CTNNA3: variants seen among roughly 807,000 people sequenced by gnomAD.
The protein encoded by CTNNA3 is catenin alpha 3, also known as catenin alpha-3.
Under a neutral mutation model 95.7 loss-of-function variants are expected in CTNNA3, and 76 were observed. That is an observed-to-expected ratio of 0.79 (90% CI 0.66 to 0.96). The LOEUF is 0.96. Ranked by LOEUF, CTNNA3 falls within the 40% of genes least tolerant of loss-of-function variation. The pLI, the probability that CTNNA3 is intolerant of heterozygous loss-of-function variation, is 0.00. For missense variants in CTNNA3, 1,191 were observed against 1,089.8 expected (o/e 1.09, Z -1.31); for synonymous variants, 431 against 374.4 (o/e 1.15, Z -1.74).
chr10:66,207,903 G>T (rs563886098), intron 13 of CTNNA3, among the ~76,000 whole-genome samples: 1 of 151,948 alleles, frequency 6.6e-6, no homozygotes, highest in Admixed American at 6.6e-5. Context: ...AAAAAATATT[G>T]TGCTGTAGTC....
intron 5 of CTNNA3, among the ~76,000 whole-genome samples, chr10:67,433,768 C>T (rs563391445): frequency 6.3e-4 from 95 of 151,958 alleles, no homozygotes; most frequent in Non-Finnish European, 1.1e-3. Context: ...AGTTCCTGTC[C>T]GTGCCATCAT....
upstream of CTNNA3, among the ~76,000 whole-genome samples, chr10:67,699,758 C>A (rs919806024): frequency 2.0e-5 from 3 of 152,202 alleles, no homozygotes; most frequent in East Asian, 3.8e-4. Context: ...CTAGGGAGTG[C>A]CAGACAGTGG....
intron 7 of CTNNA3, among the ~76,000 whole-genome samples, chr10:67,043,159 A>C (rs1854514254): frequency 6.8e-6 from 1 of 146,264 alleles, no homozygotes. Context: ...TTTTCTGTGC[A>C]ATAAGATCTG....
At chr10:67,748,063 T>C (rs1057414616) in intron 1 of CTNNA3, among the ~76,000 whole-genome samples, 2 of 151,952 alleles carry the variant, frequency 1.3e-5, no homozygotes, top group African/African-American at 4.8e-5. Flanking sequence ...GAAAAGAGAA[T>C]GAAAAGGAAC....
At chr10:66,464,908 T>C (rs1838843393) in intron 11 of CTNNA3, among the ~76,000 whole-genome samples, 1 of 152,142 alleles carries the variant, frequency 6.6e-6, no homozygotes, top group Non-Finnish European at 1.5e-5. Flanking sequence ...ATCTCAACTT[T>C]TAAACATAAG....
At chr10:66,843,475 C>CA (rs1843140541) in intron 7 of CTNNA3, among the ~76,000 whole-genome samples, 1 of 152,250 alleles carries the variant, frequency 6.6e-6, no homozygotes, top group Admixed American at 6.5e-5. Flanking sequence ...AATCATCACT[C>CA]AAACAGATGA....
chr10:66,835,058 G>A (rs76864031), intron 7 of CTNNA3, among the ~76,000 whole-genome samples: 5,458 of 152,188 alleles, frequency 0.036, 337 homozygotes, highest in African/African-American at 0.13. Context: ...AAAGTACTAA[G>A]CCTGTAAAAA....
Position 65,920,450 on chromosome 10 carries a change from T to C in CTNNA3, c.2568A>G (p.Lys856=). Residue 856 remains lysine (K), a synonymous_variant, in exon 18 of 18, where the codon AAA becomes AAG. Transcript: ENST00000433211. ...CTGGCTTCTCTCTTTTAATCAAGGG[T>C]TTTTTTGCAGGAGCCTTCATTCTCC... The part of the protein sequence containing the change: ...VMWRMKAPAK[K]PLIKREKPEE... The C allele has an allele frequency of 6.2e-7, 1 of 1,613,932 alleles. No homozygotes were observed.
chr10:66,728,886 C>G (rs1451356449), intron 9 of CTNNA3, among the ~76,000 whole-genome samples: 4 of 152,118 alleles, frequency 2.6e-5, no homozygotes, highest in African/African-American at 9.7e-5. Context: ...TGGCATCCAG[C>G]CTTATTTAAG....
At chr10:66,560,291 T>C (rs1842513288) in intron 10 of CTNNA3, among the ~76,000 whole-genome samples, 1 of 151,210 alleles carries the variant, frequency 6.6e-6, no homozygotes, top group African/African-American at 2.5e-5. Flanking sequence ...TTATAACTTT[T>C]TGAGTCTTGG....
chr10:67,639,837 C>T (rs575271851), intron 2 of CTNNA3, among the ~76,000 whole-genome samples: 4 of 151,934 alleles, frequency 2.6e-5, no homozygotes, highest in East Asian at 1.9e-4. Context: ...CAATAAATTA[C>T]GTATTGATGG....
chr10:67,754,214 A>T (rs1841421866), intron 1 of CTNNA3, among the ~76,000 whole-genome samples: 1 of 152,178 alleles, frequency 6.6e-6, no homozygotes, highest in South Asian at 2.1e-4. Flanking sequence ...TCACACAGGA[A>T]CAGAAAACCA....
chr10:66,938,465 A>G (rs1847834598), intron 7 of CTNNA3, among the ~76,000 whole-genome samples: 1 of 152,220 alleles, frequency 6.6e-6, no homozygotes, highest in South Asian at 2.1e-4. Context: ...TAAGAAAATC[A>G]TAAGGAAAAG....
At chr10:66,227,777 C>T (rs1352377418) in intron 13 of CTNNA3, among the ~76,000 whole-genome samples, 1 of 152,054 alleles carries the variant, frequency 6.6e-6, no homozygotes, top group Non-Finnish European at 1.5e-5. Flanking sequence ...TAGAATTTAG[C>T]AGTGAAGTCA....
intron 9 of CTNNA3, among the ~76,000 whole-genome samples, chr10:66,694,225 A>G (rs1183377188): frequency 6.6e-6 from 1 of 152,088 alleles, no homozygotes; most frequent in Non-Finnish European, 1.5e-5. Flanking sequence ...CAAGACTAAT[A>G]AAGAAGAAAA....
At chr10:67,632,466 C>T (rs1839176581) in intron 2 of CTNNA3, among the ~76,000 whole-genome samples, 1 of 152,144 alleles carries the variant, frequency 6.6e-6, no homozygotes, top group Non-Finnish European at 1.5e-5. Context: ...GTGAATTCAG[C>T]ACCTTCAACT....
intron 12 of CTNNA3, among the ~76,000 whole-genome samples, chr10:66,329,010 T>A (rs1308531864): frequency 6.7e-6 from 1 of 149,038 alleles, no homozygotes; most frequent in East Asian, 2.0e-4. Flanking sequence ...GAGTGCAATG[T>A]CACGATCTCG....
intron 2 of CTNNA3, among the ~76,000 whole-genome samples, chr10:67,610,375 T>C (rs1843418774): frequency 6.6e-6 from 1 of 152,258 alleles, no homozygotes; most frequent in South Asian, 2.1e-4. Flanking sequence ...TTATAAGTTG[T>C]TTGTACCTAC....
chr10:66,640,739 T>C (rs1008371613), intron 9 of CTNNA3, among the ~76,000 whole-genome samples: 5 of 152,082 alleles, frequency 3.3e-5, no homozygotes, highest in African/African-American at 9.7e-5. Context: ...GAAGAATTTT[T>C]CCCCCCACCA....
Sources: allele counts gnomAD v4.1 joint callset (sites outside exome capture counted in the v4.1 genomes callset), GRCh38; gene constraint gnomAD v4.1.1; transcripts MANE v1.5; gene names NCBI Gene and HGNC (gene_info 2026-07-23, HGNC 2026-07-21).